The following IL1RAPL2 variants were observed in gnomAD, a reference collection of about 807,000 sequenced individuals.
The protein encoded by IL1RAPL2 is X-linked interleukin-1 receptor accessory protein-like 2.
IL1RAPL2 carries 3 observed loss-of-function variants against 44.1 expected under a neutral mutation model. That is an observed-to-expected ratio of 0.07 (90% CI 0.03 to 0.18). The LOEUF is 0.18. Ranked by LOEUF, IL1RAPL2 falls within the 10% of genes least tolerant of loss-of-function variation. The probability of loss-of-function intolerance (pLI) is 1.00; values close to 1 mark genes in which losing one functional copy is unlikely to be tolerated. For synonymous variants in IL1RAPL2, 181 were observed against 178.8 expected (o/e 1.01, Z -0.10); for missense variants, 391 against 496.4 (o/e 0.79, Z 2.02).
At chrX:105,554,402 G>A (rs1411149565) in intron 6 of IL1RAPL2, among the ~76,000 whole-genome samples, 1 of 110,959 alleles carries the variant, frequency 9.0e-6, no homozygotes, top group Non-Finnish European at 1.9e-5. Context: ...ATATATCTTG[G>A]TGTGGTATTC....
chrX:105,305,536 CTT>C (rs2034729435), intron 5 of IL1RAPL2, among the ~76,000 whole-genome samples: 1 of 110,620 alleles, frequency 9.0e-6, no homozygotes, highest in Admixed American at 9.7e-5. Context: ...CCTCCCCCAA[CTT>C]TCTCTCTTTC....
At chrX:105,371,870 A>G (rs1397007245) in intron 5 of IL1RAPL2, among the ~76,000 whole-genome samples, 1 of 111,780 alleles carries the variant, frequency 8.9e-6, no homozygotes, top group East Asian at 2.8e-4. Context: ...AGACTAGGAT[A>G]TTTAAAATCC....
At chrX:104,752,025 T>G (rs767860712) in intron 2 of IL1RAPL2, among the ~76,000 whole-genome samples, 2 of 111,185 alleles carry the variant, frequency 1.8e-5, no homozygotes, top group East Asian at 2.8e-4. Flanking sequence ...AGTTACCAGT[T>G]TCCAAATAAC....
chrX:104,781,952 C>T (rs1438500415), intron 2 of IL1RAPL2, among the ~76,000 whole-genome samples: 2 of 111,179 alleles, frequency 1.8e-5, no homozygotes, highest in South Asian at 3.9e-4. Context: ...GATTAGTGCC[C>T]TTATAAAAGA....
intron 6 of IL1RAPL2, among the ~76,000 whole-genome samples, chrX:105,542,691 T>TTTTTTTTA (rs2036750330): frequency 1.0e-5 from 1 of 96,153 alleles, no homozygotes; most frequent in African/African-American, 4.1e-5. Context: ...TTTTTATATT[T>TTTTTTTTA]TTTATTTATT....
intron 2 of IL1RAPL2, among the ~76,000 whole-genome samples, chrX:104,747,185 T>C (rs1932188867): frequency 9.0e-6 from 1 of 111,275 alleles, no homozygotes; most frequent in Admixed American, 9.6e-5. Context: ...CACCCAGATA[T>C]GAATCTTTTC....
At chrX:105,052,880 C>G (rs1602923855) in intron 2 of IL1RAPL2, among the ~76,000 whole-genome samples, 1 of 110,368 alleles carries the variant, frequency 9.1e-6, no homozygotes, top group Non-Finnish European at 1.9e-5. Context: ...TCCACTTGAC[C>G]CCACCTACCG....
At chrX:104,986,435 G>GT (rs2030562288) in intron 2 of IL1RAPL2, among the ~76,000 whole-genome samples, 1 of 112,178 alleles carries the variant, frequency 8.9e-6, no homozygotes, top group Non-Finnish European at 1.9e-5. Context: ...GCTTGATTAA[G>GT]TTTTCTTTCA....
intron 2 of IL1RAPL2, among the ~76,000 whole-genome samples, chrX:104,752,980 C>G (rs918823218): frequency 7.3e-5 from 8 of 109,556 alleles, no homozygotes; most frequent in Non-Finnish European, 1.3e-4. Context: ...AAATGATTTC[C>G]CACCCAAACT....
At chrX:105,141,032 T>C (rs760381801) in intron 2 of IL1RAPL2, among the ~76,000 whole-genome samples, 2 of 111,972 alleles carry the variant, frequency 1.8e-5, no homozygotes, top group South Asian at 7.5e-4. Context: ...ATCTATAATG[T>C]GTCTCAGGCC....
At chrX:104,889,190 ACTCCC>A (rs1923346443) in intron 2 of IL1RAPL2, among the ~76,000 whole-genome samples, 1 of 110,255 alleles carries the variant, frequency 9.1e-6, no homozygotes, top group Non-Finnish European at 1.9e-5. Context: ...TGGCAAACAT[ACTCCC>A]TGCATGACCA....
At chrX:104,871,806 T>G (rs1311682210) in intron 2 of IL1RAPL2, among the ~76,000 whole-genome samples, 1 of 111,942 alleles carries the variant, frequency 8.9e-6, no homozygotes, top group Non-Finnish European at 1.9e-5. Context: ...TGAACACTTA[T>G]GAAAATCAGC....
intron 5 of IL1RAPL2, among the ~76,000 whole-genome samples, chrX:105,316,319 G>A (rs1349700391): frequency 6.3e-5 from 7 of 111,081 alleles, no homozygotes; most frequent in African/African-American, 2.3e-4. Flanking sequence ...AGCTGGTGAT[G>A]GGCCATTATA....
At chrX:104,896,816 C>T (rs1333444962) in intron 2 of IL1RAPL2, among the ~76,000 whole-genome samples, 1 of 111,483 alleles carries the variant, frequency 9.0e-6, no homozygotes, top group Non-Finnish European at 1.9e-5. Flanking sequence ...AGCTGTAACA[C>T]TCACTGCGAA....
intron 1 of IL1RAPL2, among the ~76,000 whole-genome samples, chrX:104,598,231 C>A (rs775622341): frequency 2.7e-5 from 3 of 111,882 alleles, no homozygotes; most frequent in Admixed American, 9.5e-5. Context: ...TTGTATTACA[C>A]ATTTTTTGTT....
intron 2 of IL1RAPL2, among the ~76,000 whole-genome samples, chrX:104,863,330 T>C (rs1426135525): frequency 9.0e-6 from 1 of 111,654 alleles, no homozygotes; most frequent in Non-Finnish European, 1.9e-5. Context: ...TGTAAAAGCT[T>C]TTTTCTCTTG....
chrX:105,563,468 G>A (rs749062764), intron 6 of IL1RAPL2, among the ~76,000 whole-genome samples: 1 of 111,635 alleles, frequency 9.0e-6, no homozygotes, highest in South Asian at 3.8e-4. Context: ...GAGTTATGGA[G>A]GTACCTAACA....
At chrX:105,561,415 A>G (rs977000025) in intron 6 of IL1RAPL2, among the ~76,000 whole-genome samples, 1 of 111,719 alleles carries the variant, frequency 9.0e-6, no homozygotes, top group African/African-American at 3.3e-5. Flanking sequence ...TATTTGATCT[A>G]TATTTTCTTT....
At chrX:105,124,835 A>G (rs1190671420) in intron 2 of IL1RAPL2, among the ~76,000 whole-genome samples, 1 of 111,038 alleles carries the variant, frequency 9.0e-6, no homozygotes, top group Non-Finnish European at 1.9e-5. Context: ...GTGATTGTTC[A>G]TTAAGTTAGC....
Sources: allele counts gnomAD v4.1 joint callset (sites outside exome capture counted in the v4.1 genomes callset), GRCh38; gene constraint gnomAD v4.1.1; transcripts MANE v1.5; gene names NCBI Gene and HGNC (gene_info 2026-07-23, HGNC 2026-07-21).